The following NEO1 variants were observed in gnomAD, a reference collection of about 807,000 sequenced individuals.
The protein encoded by NEO1 is neogenin.
A neutral mutation model predicts 159.7 loss-of-function variants in NEO1; 63 were observed. The ratio of observed to expected loss-of-function variants is 0.39; its 90% CI spans 0.32 to 0.49. The LOEUF (loss-of-function observed/expected upper bound fraction) is 0.49. Among genes scored for constraint, NEO1 ranks in the 20% least tolerant of loss-of-function variants. NEO1 has a pLI of 0.85. For missense variants in NEO1, 1,615 were observed against 1,831.0 expected, an observed-to-expected ratio of 0.88 and a Z score of 2.15; for synonymous variants, 633 against 662.0, an observed-to-expected ratio of 0.96 and a Z score of 0.67.
At position 73,052,491 on chromosome 15, in the gene NEO1, G is replaced by C. The variant is rs2067496876; in HGVS notation, c.-185G>C. The C allele has an allele frequency of 4.8e-6, 1 of 206,478 alleles. No individual in the cohort carries two copies. The highest frequency in any genetic ancestry group is 2.4e-5 in the African/African-American group (1 of 41,642). The allele number at this position is 206,478 out of a possible 1,614,324, so 12.8% of individuals were successfully genotyped here. A position where few individuals can be genotyped will look rare whatever the true frequency, so the allele number is the denominator to read the frequency against. On this transcript the variant is annotated 5_prime_UTR_variant, in exon 1 of 29. Coordinates refer to ENST00000261908, the MANE Select transcript of NEO1 (RefSeq NM_002499.4). Reference sequence around the variant, plus strand: ...CTCCCCGCCCCCTTGCAGGAGGGAGGCGCCCTGGAGTCTCCCCTCCAGCGA... The same window carrying C: ...CTCCCCGCCCCCTTGCAGGAGGGAGCCGCCCTGGAGTCTCCCCTCCAGCGA...
intron 5 of NEO1, among the ~76,000 whole-genome samples, chr15:73,165,299 G>C (rs1416756749): frequency 6.6e-6 from 1 of 152,108 alleles, no homozygotes; most frequent in Admixed American, 6.5e-5. Context: ...TTTGAAGCTT[G>C]ATAAAGAGGA....
chr15:73,087,725 GATT>G (rs36070098), intron 1 of NEO1, among the ~76,000 whole-genome samples: 16 of 152,030 alleles, frequency 1.1e-4, no homozygotes, highest in Non-Finnish European at 1.8e-4. Context: ...CAATTCAGAT[GATT>G]ATTAATATTT....
intron 23 of NEO1, among the ~76,000 whole-genome samples, chr15:73,285,410 TAAG>T (rs1487827666): frequency 3.9e-5 from 6 of 152,190 alleles, no homozygotes. Context: ...AGATTGAAAG[TAAG>T]AAGATGAGTT....
chr15:73,116,815 C>G lies in NEO1; in HGVS notation c.406C>G (p.Leu136Val). ...TCAGTGTGTGGCCACTGTTGAGAGT[C>G]TTGGAACTATTATCAGTAGAACAGC... The part of the protein sequence containing the change: ...YYQCVATVES[L>V]GTIISRTAKL... The change falls in exon 2 of 29, where the codon CTT becomes GTT. Residue 136 changes from leucine to valine, a missense_variant. By Grantham distance (32) the Leu-to-Val change is conservative. This residue lies in a region of NEO1 where 1,018 missense variants were observed against 1,115.4 expected (regional missense o/e 0.91). Coordinates refer to ENST00000261908, the MANE Select transcript of NEO1 (RefSeq NM_002499.4). The G allele has an allele frequency of 6.2e-7, 1 of 1,604,304 alleles. No individual in the cohort carries two copies. The highest frequency in any genetic ancestry group is 8.5e-7 in the Non-Finnish European group (1 of 1,176,364).
Position 73,258,870 on chromosome 15 carries a change from C to T in NEO1, c.2197C>T (p.Leu733=), listed in dbSNP as rs754933126. The T allele has an allele frequency of 6.2e-7, 1 of 1,612,922 alleles. No homozygotes were observed. Among genetic ancestry groups the T allele is most frequent in the African/African-American group, 1.3e-5 (1 of 74,972 alleles). ...GTCTGCTGAAACTTTTGAAAGTGAC[C>T]TAGATGGTAAGAATAACAATTGGCA... is the stretch of plus-strand genomic sequence containing the variant. ...WLSAETFESD[L]DETRVPEVPS... The change falls in exon 14 of 29, where the codon CTA becomes TTA. Residue 733 remains leucine (L), a synonymous_variant. Transcript: ENST00000261908.
chr15:73,282,917 T>C (rs755756879), intron 22 of NEO1, 47 bp from the exon 23 acceptor site: 2 of 1,589,030 alleles, frequency 1.3e-6, no homozygotes, highest in East Asian at 2.2e-5. Context: ...AGTATGCATG[T>C]TTTAAATTCT....
At chr15:73,068,522 C>T (rs1254295958) in intron 1 of NEO1, among the ~76,000 whole-genome samples, 2 of 151,994 alleles carry the variant, frequency 1.3e-5, no homozygotes, top group Non-Finnish European at 2.9e-5. Flanking sequence ...TGTTTCTGTC[C>T]CTCATCTCTA....
At chr15:73,173,821 C>A (rs543921680) in intron 5 of NEO1, among the ~76,000 whole-genome samples, 1 of 151,954 alleles carries the variant, frequency 6.6e-6, no homozygotes, top group East Asian at 1.9e-4. Flanking sequence ...TATTAATGGC[C>A]GGTCGCGGTG....
intron 5 of NEO1, among the ~76,000 whole-genome samples, chr15:73,173,049 T>G (rs2035064660): frequency 6.6e-6 from 1 of 152,246 alleles, no homozygotes; most frequent in South Asian, 2.1e-4. Context: ...CAATCCATAT[T>G]AGTAGTCTCC....
intron 4 of NEO1, among the ~76,000 whole-genome samples, 165 bp from the exon 5 acceptor site, chr15:73,135,726 G>A (rs8034243): frequency 6.6e-6 from 1 of 152,002 alleles, no homozygotes; most frequent in South Asian, 2.1e-4. Flanking sequence ...AAAGCAAATT[G>A]GACTAAATTA....
chr15:73,138,864 T>C (rs976192099), intron 5 of NEO1, among the ~76,000 whole-genome samples: 8 of 152,218 alleles, frequency 5.3e-5, no homozygotes, highest in African/African-American at 1.9e-4. Context: ...TGTCCGTTGC[T>C]CTTGAATCTA....
chr15:73,100,250 A>G (rs1193598121), intron 1 of NEO1, among the ~76,000 whole-genome samples: 2 of 152,026 alleles, frequency 1.3e-5, no homozygotes, highest in African/African-American at 4.8e-5. Flanking sequence ...GGTTCCTCAC[A>G]TTATAGCCGT....
At position 73,302,720 on chromosome 15, in the gene NEO1, CA is replaced by C; in HGVS notation, c.*27del. 6.2e-7 allele frequency: 1 copy of C among 1,604,244 alleles called. No individual in the cohort carries two copies. Among genetic ancestry groups the C allele is most frequent in the Non-Finnish European group, 8.5e-7 (1 of 1,172,306 alleles). ...GACGACCTTCACCAGGACCTGACTT[CA>C]AACCTGAGTCTGGAAGTCTTGGAAC... On this transcript the variant is annotated 3_prime_UTR_variant, in exon 29 of 29. Transcript: ENST00000261908.
chr15:73,244,977 A>AAAAAAAAAAAAAAAAAAAAAAAAAAAAG (rs1555458859), intron 9 of NEO1, among the ~76,000 whole-genome samples: 1 of 111,960 alleles, frequency 8.9e-6, no homozygotes, highest in Non-Finnish European at 2.0e-5. Flanking sequence ...AAAAAAAAAA[A>AAAAAAAAAAAAAAAAAAAAAAAAAAAAG]AAAAAACAAC....
intron 8 of NEO1, among the ~76,000 whole-genome samples, chr15:73,243,466 C>T (rs923621772): frequency 7.2e-5 from 11 of 152,182 alleles, no homozygotes; most frequent in Middle Eastern, 3.2e-3. Flanking sequence ...ACATGAATGA[C>T]AGTTCCTAAA....
chr15:73,195,627 A>G (rs921383362), intron 7 of NEO1, among the ~76,000 whole-genome samples: 1 of 152,138 alleles, frequency 6.6e-6, no homozygotes, highest in African/African-American at 2.4e-5. Flanking sequence ...TATTTCTCAT[A>G]AAAACCTTTA....
rs117309930 is a variant in NEO1, at chr15:73,163,965, G to A, written c.1016-12438G>A. ...TGTGTGTATGTGTGTGGTAGGGGCC[G>A]GTGGTGGATTTCTCCAACCCTTTTC... is the stretch of plus-strand genomic sequence containing the variant. On this transcript the variant is annotated intron_variant, in intron 5 of 28. Coordinates refer to ENST00000261908, the MANE Select transcript of NEO1 (RefSeq NM_002499.4). 1.6e-4 allele frequency among the ~76,000 whole-genome samples: 25 copies of A among 151,834 alleles called. No homozygotes were observed. The East Asian group carries it at 3.7e-3, about 22-fold the overall frequency.
At chr15:73,171,959 C>T (rs527790926) in intron 5 of NEO1, among the ~76,000 whole-genome samples, 1 of 151,982 alleles carries the variant, frequency 6.6e-6, no homozygotes, top group Admixed American at 6.6e-5. Flanking sequence ...ATTTTAGATA[C>T]CAGCCTGATG....
At position 73,136,139 on chromosome 15, in the gene NEO1, A is replaced by G; in HGVS notation, c.1015+112A>G. 4 of 884,848 alleles carry G rather than the reference A, an allele frequency of 4.5e-6. No homozygotes were observed. In the South Asian group the frequency reaches 7.4e-5, roughly 16 times the overall value. The allele number at this position is 884,848 out of a possible 1,614,324, so 54.8% of individuals were successfully genotyped here. On this transcript the variant is annotated intron_variant, in intron 5 of 28. Coordinates refer to ENST00000261908, the MANE Select transcript of NEO1 (RefSeq NM_002499.4). ...AATACAGCAAAACAATTAAAAGCAT[A>G]ACTCCTAGACCAGACTGCTTGGGTT...
Sources: gnomAD v4.1 joint callset for allele counts (sites outside exome capture counted in the v4.1 genomes callset) on GRCh38, gnomAD v4.1.1 for gene constraint, gnomAD v4.1.1 regional missense constraint, MANE v1.5 for transcripts, NCBI Gene and HGNC (gene_info 2026-07-23, HGNC 2026-07-21) for gene names.